Variants in WDR44 observed in about 807,000 individuals in gnomAD.
The protein encoded by WDR44 is WD repeat domain 44.
A neutral mutation model predicts 65.7 loss-of-function variants in WDR44; 9 were observed. That is an observed-to-expected ratio of 0.14 (90% CI 0.08 to 0.24). The LOEUF (loss-of-function observed/expected upper bound fraction) is 0.24. WDR44 is among the 10% of genes least tolerant of loss of function. The pLI, the probability that WDR44 is intolerant of heterozygous loss-of-function variation, is 1.00. For missense variants in WDR44, 425 were observed against 670.9 expected, an observed-to-expected ratio of 0.63 and a Z score of 4.05; for synonymous variants, 220 against 235.2, an observed-to-expected ratio of 0.94 and a Z score of 0.59.
rs1248660157 is a variant in WDR44 at position 118,449,248 on chromosome X, C to T, written c.*261C>T. ...TTTTCGTTGTATAATTATGAACATGCACAAGTTTCTGCATGAAAAGATATT... is the reference window on the plus strand; with the variant it reads ...TTTTCGTTGTATAATTATGAACATGTACAAGTTTCTGCATGAAAAGATATT... On this transcript the variant is annotated 3_prime_UTR_variant, in exon 20 of 20. Coordinates refer to ENST00000254029, the MANE Select transcript of WDR44 (RefSeq NM_019045.5). 9 of 187,484 alleles carry T rather than the reference C, an allele frequency of 4.8e-5. No individual in the cohort carries two copies. The East Asian group carries it at 8.8e-4, about 18-fold the overall frequency. 15.5% of individuals were successfully genotyped at this position (187,484 alleles called of 1,213,427 possible).
intron 1 of WDR44, among the ~76,000 whole-genome samples, chrX:118,368,480 T>TAC (rs1556043669): frequency 2.5e-4 from 25 of 98,615 alleles, no homozygotes; most frequent in African/African-American, 9.1e-4. Flanking sequence ...TATATATATA[T>TAC]ACTTCTTGAG....
At chrX:118,348,332 G>C (rs890110603) in intron 1 of WDR44, among the ~76,000 whole-genome samples, 1 of 111,990 alleles carries the variant, frequency 8.9e-6, no homozygotes, top group Non-Finnish European at 1.9e-5. Flanking sequence ...TATCTAAACC[G>C]GATGAGTCAT....
At chrX:118,355,369 T>C (rs1267108795) in intron 1 of WDR44, among the ~76,000 whole-genome samples, 1 of 111,828 alleles carries the variant, frequency 8.9e-6, no homozygotes, top group Non-Finnish European at 1.9e-5. Flanking sequence ...ATTGGTTGCA[T>C]TGGATATGGT....
chrX:118,371,109 A>G (rs984104944), intron 1 of WDR44, among the ~76,000 whole-genome samples: 6 of 111,757 alleles, frequency 5.4e-5, no homozygotes, highest in African/African-American at 2.0e-4. Context: ...CACACAGTGG[A>G]ACACTATTGA....
At chrX:118,380,819 C>G (rs1049058402) in intron 2 of WDR44, among the ~76,000 whole-genome samples, 7 of 111,744 alleles carry the variant, frequency 6.3e-5, no homozygotes, top group African/African-American at 2.0e-4. Context: ...AGCACTGTTA[C>G]CTGAAATAGC....
At chrX:118,442,199 A>T in intron 15 of WDR44, 45 bp from the exon 16 acceptor site, 1 of 1,093,292 alleles carries the variant, frequency 9.1e-7, no homozygotes. Flanking sequence ...GAGCCACCAC[A>T]CATGCTCCTA....
chrX:118,387,305 T>C lies in WDR44; in HGVS notation c.112-35T>C, dbSNP rs374972884. The C allele has an allele frequency of 1.2e-3, 1,167 of 1,010,076 alleles. 1 individual carries two copies. Among genetic ancestry groups the C allele is most frequent in the Non-Finnish European group, 1.4e-3 (1,069 of 738,394 alleles). 83.2% of individuals were successfully genotyped at this position (1,010,076 alleles called of 1,213,427 possible). The stretch of plus-strand genomic sequence containing the variant: ...GCATATTTTTAAAGAAAAGATGTCA[T>C]CATTTGGTCTCTATTTCTTTTCTTT... On this transcript the variant is annotated intron_variant, in intron 2 of 19. Transcript: ENST00000254029.
chrX:118,406,843 C>G, intron 9 of WDR44, 32 bp from the exon 10 acceptor site: 1 of 1,157,106 alleles, frequency 8.6e-7, no homozygotes, highest in East Asian at 3.0e-5. Flanking sequence ...TCTACATTAG[C>G]TAGTAGTGAT....
Position 118,394,091 on chromosome X carries a change from C to A in WDR44, c.863C>A (p.Thr288Asn), listed in dbSNP as rs1486214725. 2.5e-6 allele frequency: 3 copies of A among 1,211,137 alleles called. No homozygotes were observed. Among genetic ancestry groups the A allele is most frequent in the Non-Finnish European group, 3.4e-6 (3 of 894,978 alleles). ...KENITSDSLLTASMASESTVK... is the reference protein window; with the variant it reads ...KENITSDSLLNASMASESTVK... ...AATATTACGTCTGATTCTCTCCTAA[C>A]CGCAAGCATGGCTTCAGAAAGTACG... The change falls in exon 5 of 20, where the codon ACC becomes AAC. Residue 288 changes from threonine (T) to asparagine (N), a missense_variant. Thr to Asn is a moderately conservative substitution (Grantham distance 65). Coordinates refer to ENST00000254029, the MANE Select transcript of WDR44 (RefSeq NM_019045.5).
intron 12 of WDR44, among the ~76,000 whole-genome samples, chrX:118,422,622 C>T (rs368413032): frequency 3.8e-5 from 4 of 105,835 alleles, no homozygotes; most frequent in East Asian, 6.0e-4. Flanking sequence ...AACCGGGAGG[C>T]GGAGGTTGCA....
At chrX:118,369,460 C>T (rs1411416068) in intron 1 of WDR44, among the ~76,000 whole-genome samples, 3 of 99,261 alleles carry the variant, frequency 3.0e-5, no homozygotes, top group Admixed American at 1.2e-4. Context: ...TGTGAGCCAC[C>T]ACGCCCGGCC....
intron 3 of WDR44, among the ~76,000 whole-genome samples, chrX:118,391,433 A>G (rs2056819452): frequency 8.9e-6 from 1 of 112,038 alleles, no homozygotes; most frequent in Admixed American, 9.5e-5. Context: ...ATCAGGGATG[A>G]ATATTACTGA....
chrX:118,424,323 G>GTA (rs1171699587), intron 12 of WDR44, among the ~76,000 whole-genome samples: 4,488 of 65,448 alleles, frequency 0.069, 152 homozygotes, highest in Non-Finnish European at 0.085. Flanking sequence ...GTGTGTGTGT[G>GTA]TATATATATA....
In WDR44 at chrX:118,346,344, C is replaced by T. The variant is rs1400825481; in HGVS notation, c.-160C>T. ...AAGCCCGGCAACTGAGGGCGGCCCC[C>T]TTTCCTTAACAGTCTCCTCGCTACA... On this transcript the variant is annotated 5_prime_UTR_variant, in exon 1 of 20. Transcript: ENST00000254029. 1 of 455,803 alleles carries T rather than the reference C, an allele frequency of 2.2e-6. No individual in the cohort carries two copies. Among genetic ancestry groups the T allele is most frequent in the Non-Finnish European group, 3.8e-6 (1 of 263,004 alleles). The allele number at this position is 455,803 out of a possible 1,213,427, so 37.6% of individuals were successfully genotyped here. A position where few individuals can be genotyped will look rare whatever the true frequency, so the allele number is the denominator to read the frequency against.
At chrX:118,398,316 G>A in intron 7 of WDR44, 71 bp from the exon 8 acceptor site, 1 of 838,326 alleles carries the variant, frequency 1.2e-6, no homozygotes, top group Non-Finnish European at 1.7e-6. Context: ...TGGTTATATA[G>A]TAAGTATAAA....
Position 118,404,071 on chromosome X carries a change from A to G in WDR44, c.1275-267A>G, listed in dbSNP as rs60181753. ...TCCCCTCTCCACACTACCTCTGCCA[A>G]TCAATTTTTATTCACCATTGAAAAC... is the stretch of plus-strand genomic sequence containing the variant. On this transcript the variant is annotated intron_variant, in intron 8 of 19. Coordinates refer to ENST00000254029, the MANE Select transcript of WDR44 (RefSeq NM_019045.5). Among the ~76,000 whole-genome samples, 5,680 of 111,808 alleles carry G rather than the reference A, an allele frequency of 0.051. 337 individuals are homozygous for G. The highest frequency in any genetic ancestry group is 0.17 in the African/African-American group (5,242 of 30,719).
At chrX:118,364,162 C>A in intron 1 of WDR44, among the ~76,000 whole-genome samples, 1 of 112,607 alleles carries the variant, frequency 8.9e-6, no homozygotes, top group Middle Eastern at 4.6e-3. Flanking sequence ...AGATTTCTAA[C>A]TCCTCGTTTG....
At chrX:118,419,662 C>A (rs1377121096) in intron 12 of WDR44, among the ~76,000 whole-genome samples, 1 of 111,905 alleles carries the variant, frequency 8.9e-6, no homozygotes. Flanking sequence ...GCTGCTCTGT[C>A]CATCTGAGTA....
chrX:118,428,221 G>T (rs1473402205), intron 12 of WDR44, among the ~76,000 whole-genome samples: 1 of 109,774 alleles, frequency 9.1e-6, no homozygotes, highest in Non-Finnish European at 1.9e-5. Flanking sequence ...CCAGGAGGCA[G>T]AGGTTGCAGT....
Sources: allele counts gnomAD v4.1 joint callset (sites outside exome capture counted in the v4.1 genomes callset), GRCh38; gene constraint gnomAD v4.1.1; transcripts MANE v1.5; gene names NCBI Gene and HGNC (gene_info 2026-07-23, HGNC 2026-07-21).